Variants in KRT7 observed in about 807,000 individuals in gnomAD.
KRT7 encodes keratin, type II cytoskeletal 7.
KRT7 carries 50 observed loss-of-function variants against 42.8 expected under a neutral mutation model. That is an observed-to-expected ratio of 1.17 (90% confidence interval 0.93 to 1.48). The LOEUF is 1.48. Among genes scored for constraint, KRT7 ranks in the 40% most tolerant of loss-of-function variants. The pLI is 0.00. For synonymous variants in KRT7, 268 were observed against 266.3 expected, an observed-to-expected ratio of 1.01 and a Z score of -0.06; for missense variants, 588 against 637.6, an observed-to-expected ratio of 0.92 and a Z score of 0.84.
At chr12:52,237,409 G>C (rs1024276048) in intron 2 of KRT7, 100 bp from the exon 3 acceptor site, 1 of 825,952 alleles carries the variant, frequency 1.2e-6, no homozygotes, top group Non-Finnish European at 1.9e-6. Flanking sequence ...TAAAGAGTAG[G>C]GGAAGGGAGG....
At chr12:52,253,789 G>C (rs755013203), downstream of KRT7, 31 of 674,592 alleles carry the variant, frequency 4.6e-5, no homozygotes, top group Non-Finnish European at 7.5e-5. Context: ...GGAGTGGCAA[G>C]AGCTTCTTAG....
chr12:52,253,387 A>G, downstream of KRT7: 5 of 1,600,860 alleles, frequency 3.1e-6, no homozygotes, highest in Non-Finnish European at 4.3e-6. Context: ...CCTCCCATCC[A>G]TTCAGGACAC....
At chr12:52,254,633 A>G (rs1337921392), downstream of KRT7, among the ~76,000 whole-genome samples, 1 of 152,178 alleles carries the variant, frequency 6.6e-6, no homozygotes, top group Non-Finnish European at 1.5e-5. Context: ...TCTAGAATCC[A>G]TGTCATGCAC....
rs1474449279 is a variant in KRT7 at position 52,241,612 on chromosome 12, G to C, written c.834G>C (p.Glu278Asp). The C allele has an allele frequency of 1.2e-6, 2 of 1,611,658 alleles. No individual in the cohort carries two copies. The highest frequency in any genetic ancestry group is 1.7e-6 in the Non-Finnish European group (2 of 1,178,644). ...AGATGGCCAAATGCAGCCGGGCTGA[G>C]GCTGAAGCCTGGTACCAGACCAAGG... ...YEEMAKCSRA[E>D]AEAWYQTKFE... Residue 278 changes from glutamate (E) to aspartate (D), a missense_variant, in exon 5 of 9, where the codon GAG (glutamate) becomes GAC (aspartate). Glu to Asp is a conservative substitution (Grantham distance 45, BLOSUM62 2). Coordinates refer to ENST00000331817, the MANE Select transcript of KRT7 (RefSeq NM_005556.4).
At chr12:52,244,495 G>A (rs1042291918) in intron 6 of KRT7, 1 of 985,846 alleles carries the variant, frequency 1.0e-6, no homozygotes, top group Non-Finnish European at 1.2e-6. Context: ...ACAGGGCAGG[G>A]CACCGAGCTG....
rs1941998826 is a variant in KRT7 at position 52,235,348 on chromosome 12, T to G, written c.518T>G (p.Val173Gly). Residue 173 changes from valine to glycine, a missense_variant, in exon 2 of 9, where the codon GTG becomes GGG. Transcript: ENST00000331817. ...GAGCTGCGGAGCATGCAGGATGTGGTGGAGGACTTCAAGAATAAGTAATGC... is the reference window on the plus strand; with the variant it reads ...GAGCTGCGGAGCATGCAGGATGTGGGGGAGGACTTCAAGAATAAGTAATGC... The part of the protein sequence containing the change: ...EAELRSMQDV[V>G]EDFKNKYEDE... 1 of 1,611,534 alleles carries G rather than the reference T, an allele frequency of 6.2e-7. No homozygotes were observed. The highest frequency in any genetic ancestry group is 1.7e-5 in the Admixed American group (1 of 59,980).
chr12:52,233,428 C>T lies in KRT7; in HGVS notation c.132C>T (p.Ala44=). Residue 44 remains alanine, a synonymous_variant, in exon 1 of 9, where the codon GCC becomes GCT. Transcript: ENST00000331817. The part of the protein sequence containing the change: ...LGSSSLYGLG[A]SRPRVAVRSA... ...GCAGCAGCCTCTACGGCCTCGGCGC[C>T]TCACGGCCGCGCGTGGCCGTGCGCT... 6 of 1,558,464 alleles carry T rather than the reference C, an allele frequency of 3.8e-6. No individual in the cohort carries two copies. Among genetic ancestry groups the T allele is most frequent in the Non-Finnish European group, 5.2e-6 (6 of 1,160,074 alleles).
downstream of KRT7, chr12:52,252,013 A>C (rs1222503391): frequency 5.8e-6 from 4 of 685,646 alleles, no homozygotes; most frequent in East Asian, 8.7e-5. Context: ...GGACCCACAA[A>C]ATGGATTACT....
chr12:52,250,765 C>G (rs558186491), downstream of KRT7: 9 of 410,222 alleles, frequency 2.2e-5, no homozygotes, highest in Non-Finnish European at 3.7e-5. Flanking sequence ...TTCCTGCAGT[C>G]TTAGCCTCAG....
At chr12:52,246,325 A>G (rs1942171088) in intron 7 of KRT7, 1 of 152,318 alleles carries the variant, frequency 6.6e-6, no homozygotes, top group African/African-American at 2.4e-5. Context: ...AACAGAGAAT[A>G]CGTAGGACAT....
chr12:52,246,712 C>T lies in KRT7; in HGVS notation c.1205+1080C>T, dbSNP rs11170060. 0.016 allele frequency among the ~76,000 whole-genome samples: 2,392 copies of T among 152,316 alleles called. 184 individuals are homozygous for T. In the East Asian group the frequency reaches 0.22, roughly 14 times the overall value. ...GAAGAAGAATTAACACCAAAAGTCT[C>T]TGGGAACACAGAAGCTGATCTGGGC... On this transcript the variant is annotated intron_variant, in intron 7 of 8. Coordinates refer to ENST00000331817, the MANE Select transcript of KRT7 (RefSeq NM_005556.4).
At chr12:52,242,563 T>C (rs988192772) in intron 5 of KRT7, among the ~76,000 whole-genome samples, 1 of 152,164 alleles carries the variant, frequency 6.6e-6, no homozygotes, top group Admixed American at 6.5e-5. Context: ...TCATGGTGCC[T>C]GGGTGAGAAC....
At chr12:52,242,891 G>A in intron 5 of KRT7, 121 bp from the exon 6 acceptor site, 1 of 1,147,680 alleles carries the variant, frequency 8.7e-7, no homozygotes, top group South Asian at 1.6e-5. Flanking sequence ...AAAGGTTGAT[G>A]GGAGTCAGAC....
At chr12:52,253,665 T>C, downstream of KRT7, 16 of 1,491,226 alleles carry the variant, frequency 1.1e-5, no homozygotes, top group Non-Finnish European at 1.5e-5. Context: ...GTACTGAGCT[T>C]TGATCTCAGT....
chr12:52,252,126 G>A, downstream of KRT7: 1 of 1,165,380 alleles, frequency 8.6e-7, no homozygotes, highest in Non-Finnish European at 1.2e-6. Context: ...TGTTTAACCT[G>A]CAAATTCTCT....
In KRT7 at chr12:52,233,347, C is replaced by A. The variant is rs145797078; in HGVS notation, c.51C>A (p.Phe17Leu). ...TATTCACCTCGCGCTCAGCCGCCTT[C>A]TCGGGCCGCGGCGCCCAGGTGCGCC... Reference protein sequence around the residue: ...SPVFTSRSAAFSGRGAQVRLS... With the variant: ...SPVFTSRSAALSGRGAQVRLS... Residue 17 changes from phenylalanine to leucine, a missense_variant, in exon 1 of 9, where the codon TTC (phenylalanine) becomes TTA (leucine). Physicochemically the swap from Phe to Leu is conservative, Grantham distance 22. Coordinates refer to ENST00000331817, the MANE Select transcript of KRT7 (RefSeq NM_005556.4). The A allele has an allele frequency of 1.6e-3, 2,478 of 1,572,192 alleles. 28 individuals carry two copies. In the Admixed American group the frequency reaches 0.019, roughly 12 times the overall value.
At chr12:52,244,599 T>C in intron 6 of KRT7, 1 of 985,928 alleles carries the variant, frequency 1.0e-6, no homozygotes. Flanking sequence ...GATCTGAGGA[T>C]AGAGAATGGC....
chr12:52,243,189 C>T (rs1009439039), intron 6 of KRT7, 52 bp downstream of exon 6: 18 of 1,559,238 alleles, frequency 1.2e-5, no homozygotes, highest in Non-Finnish European at 1.3e-5. Flanking sequence ...GCAGGGGTGG[C>T]CAGCTGAGGC....
intron 2 of KRT7, among the ~76,000 whole-genome samples, chr12:52,237,201 A>G (rs1301074137): frequency 5.3e-5 from 8 of 152,188 alleles, no homozygotes; most frequent in African/African-American, 1.9e-4. Context: ...CACCCCATAG[A>G]ACACAGTCTC....
Sources: gnomAD v4.1 joint callset for allele counts (sites outside exome capture counted in the v4.1 genomes callset) on GRCh38, gnomAD v4.1.1 for gene constraint, MANE v1.5 for transcripts, NCBI Gene and HGNC (gene_info 2026-07-23, HGNC 2026-07-21) for gene names.